The following FAM114A1 variants were observed in gnomAD, a reference collection of about 807,000 sequenced individuals.
The protein encoded by FAM114A1 is family with sequence similarity 114 member A1, also known as protein NOXP20.
Under a neutral mutation model 64.3 loss-of-function variants are expected in FAM114A1, and 62 were observed. That is an observed-to-expected ratio of 0.96 (90% CI 0.79 to 1.19). The LOEUF (loss-of-function observed/expected upper bound fraction) is 1.19, where lower values mean the gene tolerates loss of function less well. FAM114A1 is among the 50% of genes most tolerant of loss of function. The pLI is 0.00. For missense variants in FAM114A1, 645 were observed against 676.3 expected, an observed-to-expected ratio of 0.95 and a Z score of 0.51; for synonymous variants, 254 against 251.1, an observed-to-expected ratio of 1.01 and a Z score of -0.11.
At chr4:38,881,740 T>A (rs542904037) in intron 3 of FAM114A1, among the ~76,000 whole-genome samples, 1 of 152,250 alleles carries the variant, frequency 6.6e-6, no homozygotes, top group Non-Finnish European at 1.5e-5. Flanking sequence ...TAGTCTTTGA[T>A]TATTGTTCAT....
At chr4:38,934,162 T>C (rs1170327862) in intron 12 of FAM114A1, among the ~76,000 whole-genome samples, 1 of 152,196 alleles carries the variant, frequency 6.6e-6, no homozygotes, top group African/African-American at 2.4e-5. Context: ...ATCTTTGCAG[T>C]ACTAATTGGA....
intron 7 of FAM114A1, among the ~76,000 whole-genome samples, chr4:38,912,926 G>C (rs1718695471): frequency 6.6e-6 from 1 of 152,174 alleles, no homozygotes; most frequent in African/African-American, 2.4e-5. Context: ...TCATTGGGTT[G>C]TTTGAAAAAC....
At chr4:38,933,001 GC>G (rs1720786573) in intron 12 of FAM114A1, among the ~76,000 whole-genome samples, 13 of 151,828 alleles carry the variant, frequency 8.6e-5, no homozygotes, top group African/African-American at 2.9e-4. Flanking sequence ...TTACAGGTGC[GC>G]ACCACCACAT....
chr4:38,926,479 G>C (rs1250787572), intron 9 of FAM114A1, among the ~76,000 whole-genome samples: 1 of 148,008 alleles, frequency 6.8e-6, no homozygotes, highest in South Asian at 2.1e-4. Flanking sequence ...TTTCCAGATA[G>C]AGTCTCATTC....
chr4:38,912,950 G>A (rs1358193790), intron 7 of FAM114A1, among the ~76,000 whole-genome samples: 1 of 152,202 alleles, frequency 6.6e-6, no homozygotes, highest in African/African-American at 2.4e-5. Flanking sequence ...AAGATTCAGA[G>A]TCTGTGCTAA....
intron 3 of FAM114A1, among the ~76,000 whole-genome samples, chr4:38,882,122 C>T (rs1241221496): frequency 1.3e-5 from 2 of 150,138 alleles, no homozygotes; most frequent in South Asian, 4.3e-4. Flanking sequence ...ACCATCCTGG[C>T]TAACAAGGTG....
At chr4:38,936,498 A>T (rs1029241063) in intron 13 of FAM114A1, among the ~76,000 whole-genome samples, 1 of 150,412 alleles carries the variant, frequency 6.6e-6, no homozygotes, top group African/African-American at 2.5e-5. Flanking sequence ...TTGAATATTC[A>T]CTGTTGCCCT....
chr4:38,922,231 C>T lies in FAM114A1; in HGVS notation c.946-539C>T, dbSNP rs146771958. Among the ~76,000 whole-genome samples, 7 of 152,314 alleles carry T rather than the reference C, an allele frequency of 4.6e-5. No homozygotes were observed. The East Asian group carries it at 1.4e-3, about 29-fold the overall frequency. ...CTGGGATTACAGGCGTGAGCCACCG[C>T]GTCTGGCCGTATGCATGTATATTTA... On this transcript the variant is annotated intron_variant, in intron 8 of 14. Transcript: ENST00000358869.
Position 38,943,566 on chromosome 4 carries a change from G to T in FAM114A1, c.*9G>T. ...TGAAAGCACAGCCGTGACCTGGCCA[G>T]ACTCCATCTAGTTAAAGGAGACAGC... On this transcript the variant is annotated 3_prime_UTR_variant, in exon 15 of 15. Transcript: ENST00000358869. 6.2e-7 allele frequency: 1 copy of T among 1,612,872 alleles called. No homozygotes were observed. The highest frequency in any genetic ancestry group is 1.1e-5 in the South Asian group (1 of 90,966).
rs554734104 is a variant in FAM114A1 at position 38,905,735 on chromosome 4, G to T, written c.551-20G>T. On this transcript the variant is annotated intron_variant, in intron 5 of 14. Transcript: ENST00000358869. Reference sequence around the variant, plus strand: ...AGATCAGCGACGTGAACTCTTAAAGGATTTCTTTTTTCTCTTTAGTAACAG... The same window carrying T: ...AGATCAGCGACGTGAACTCTTAAAGTATTTCTTTTTTCTCTTTAGTAACAG... The T allele has an allele frequency of 6.2e-7, 1 of 1,611,476 alleles. No homozygotes were observed. The highest frequency in any genetic ancestry group is 1.7e-5 in the Admixed American group (1 of 59,190).
chr4:38,882,318 CAA>C (rs56370212), intron 3 of FAM114A1, among the ~76,000 whole-genome samples: 5 of 48,792 alleles, frequency 1.0e-4, no homozygotes, highest in African/African-American at 1.8e-4. Context: ...GACTCCGTCT[CAA>C]AAAAAAAAAA....
intron 4 of FAM114A1, 52 bp downstream of exon 4, chr4:38,891,882 A>T (rs1329106988): frequency 1.3e-6 from 2 of 1,524,624 alleles, no homozygotes; most frequent in Non-Finnish European, 1.8e-6. Context: ...GCCTAATAGG[A>T]TAGGACGTTT....
intron 4 of FAM114A1, 26 bp downstream of exon 4, chr4:38,891,856 T>C: frequency 6.3e-7 from 1 of 1,583,092 alleles, no homozygotes; most frequent in Non-Finnish European, 8.6e-7. Flanking sequence ...TGCATTGGAA[T>C]AGACAAAGTA....
intron 9 of FAM114A1, among the ~76,000 whole-genome samples, chr4:38,928,310 T>G (rs979235842): frequency 6.6e-6 from 1 of 152,166 alleles, no homozygotes; most frequent in Non-Finnish European, 1.5e-5. Flanking sequence ...TCCCCCAAAC[T>G]GGTAATAAAT....
chr4:38,891,620 G>A (rs1192577803), intron 3 of FAM114A1, 123 bp from the exon 4 acceptor site: 1 of 782,508 alleles, frequency 1.3e-6, no homozygotes, highest in East Asian at 2.8e-5. Context: ...TAAACTATAA[G>A]CCAATTAGAT....
rs141334858 is a variant in FAM114A1 at position 38,931,472 on chromosome 4, T to C, written c.1183T>C (p.Trp395Arg). 1 of 1,613,310 alleles carries C rather than the reference T, an allele frequency of 6.2e-7. No homozygotes were observed. The highest frequency in any genetic ancestry group is 8.5e-7 in the Non-Finnish European group (1 of 1,179,848). ...LNKAMKRAHDWVEEDQTVVSV... is the reference protein window; with the variant it reads ...LNKAMKRAHDRVEEDQTVVSV... ...GCAGGCCATGAAGAGGGCTCATGACTGGGTGGAAGAGGATCAAACCGTGGT... is the reference window on the plus strand; with the variant it reads ...GCAGGCCATGAAGAGGGCTCATGACCGGGTGGAAGAGGATCAAACCGTGGT... The change falls in exon 11 of 15, where the codon TGG becomes CGG. Residue 395 changes from tryptophan to arginine, a missense_variant. Coordinates refer to ENST00000358869, the MANE Select transcript of FAM114A1 (RefSeq NM_138389.4).
At chr4:38,887,127 T>C (rs901527258) in intron 3 of FAM114A1, among the ~76,000 whole-genome samples, 1 of 152,182 alleles carries the variant, frequency 6.6e-6, no homozygotes, top group Non-Finnish European at 1.5e-5. Flanking sequence ...GGTAGTGTAC[T>C]TAATTTGTGT....
intron 13 of FAM114A1, among the ~76,000 whole-genome samples, chr4:38,939,300 A>G (rs771588176): frequency 3.3e-5 from 5 of 152,218 alleles, no homozygotes; most frequent in Admixed American, 6.5e-5. Flanking sequence ...TCTCACCACA[A>G]CAATACCTCT....
chr4:38,917,224 G>A (rs1304056956), intron 8 of FAM114A1, among the ~76,000 whole-genome samples: 1 of 151,874 alleles, frequency 6.6e-6, no homozygotes, highest in Admixed American at 6.6e-5. Flanking sequence ...TGTAATACCA[G>A]CTACTCAGGA....
Sources: allele counts gnomAD v4.1 joint callset (sites outside exome capture counted in the v4.1 genomes callset), GRCh38; gene constraint gnomAD v4.1.1; transcripts MANE v1.5; gene names NCBI Gene and HGNC (gene_info 2026-07-23, HGNC 2026-07-21).